The following KSR1 variants were observed in gnomAD, a reference collection of about 807,000 sequenced individuals.
KSR1 encodes kinase suppressor of ras.
In KSR1, 35 loss-of-function variants were observed where a neutral mutation model predicts 92.9. The observed-to-expected ratio is 0.38, with a 90% CI of 0.29 to 0.50. The LOEUF (loss-of-function observed/expected upper bound fraction) is 0.50, where lower values mean the gene tolerates loss of function less well. KSR1 is among the 20% of genes least tolerant of loss of function. The probability of loss-of-function intolerance (pLI) is 0.94; values close to 1 mark genes in which losing one functional copy is unlikely to be tolerated. For synonymous variants in KSR1, 467 were observed against 472.6 expected (o/e 0.99, Z 0.15); for missense variants, 972 against 1,158.5 (o/e 0.84, Z 2.34).
At chr17:27,598,121 C>T (rs1233263409) in intron 10 of KSR1, among the ~76,000 whole-genome samples, 1 of 152,164 alleles carries the variant, frequency 6.6e-6, no homozygotes, top group African/African-American at 2.4e-5. Context: ...GTGTCTGCCT[C>T]TCCAAGCAGC....
chr17:27,582,590 C>T (rs2072805843), intron 3 of KSR1, 56 bp from the exon 4 acceptor site: 1 of 1,500,410 alleles, frequency 6.7e-7, no homozygotes, highest in Admixed American at 1.8e-5. Flanking sequence ...CTAGCCATCT[C>T]CCCTGTGAAT....
At chr17:27,526,583 G>A (rs2070308019) in intron 1 of KSR1, 1 of 1,588,572 alleles carries the variant, frequency 6.3e-7, no homozygotes, top group African/African-American at 1.3e-5. Flanking sequence ...TGTATCAGTT[G>A]CAATTGTAAG....
Position 27,605,434 on chromosome 17 carries a change from G to A in KSR1, c.1615G>A (p.Ala539Thr), listed in dbSNP as rs1238330779. The A allele has an allele frequency of 1.9e-6, 3 of 1,608,780 alleles. No individual in the cohort carries two copies. The highest frequency in any genetic ancestry group is 2.2e-5 in the East Asian group (1 of 44,850). Residue 539 changes from alanine to threonine, a missense_variant and splice_region_variant, in exon 14 of 21, where the codon GCT (alanine) becomes ACT (threonine). This residue lies in a region of KSR1 where 611 missense variants were observed against 668.0 expected (regional missense o/e 0.91). Transcript: ENST00000644974. ...CCTGTTCTTCCTGCTCTCCTTTCAG[G>A]CTGAGGAGCCAGAGGCTGGCAAGTC... ...ADVLEAHEAE[A>T]EEPEAGKSEA...
chr17:27,476,144 G>A (rs929981260), intron 1 of KSR1, among the ~76,000 whole-genome samples: 6 of 152,188 alleles, frequency 3.9e-5, no homozygotes, highest in Non-Finnish European at 5.9e-5. Flanking sequence ...TGGACTGCAC[G>A]GCTCCTGCCC....
At chr17:27,457,292 C>T (rs2019222481) in intron 1 of KSR1, among the ~76,000 whole-genome samples, 1 of 152,214 alleles carries the variant, frequency 6.6e-6, no homozygotes, top group Non-Finnish European at 1.5e-5. Flanking sequence ...AGCGTGATCG[C>T]AGGCCTGCCG....
At chr17:27,573,322 G>A (rs576528342) in intron 2 of KSR1, among the ~76,000 whole-genome samples, 8 of 152,218 alleles carry the variant, frequency 5.3e-5, no homozygotes, top group African/African-American at 9.7e-5. Flanking sequence ...GGAGGAAAGC[G>A]GGGGTTTTCT....
At chr17:27,461,225 C>G (rs1470976650) in intron 1 of KSR1, among the ~76,000 whole-genome samples, 4 of 152,136 alleles carry the variant, frequency 2.6e-5, no homozygotes, top group African/African-American at 4.8e-5. Context: ...GGATTACAGG[C>G]ATGCCCCACT....
At chr17:27,512,053 A>G (rs1012718480) in intron 1 of KSR1, among the ~76,000 whole-genome samples, 4 of 152,168 alleles carry the variant, frequency 2.6e-5, no homozygotes, top group Non-Finnish European at 5.9e-5. Flanking sequence ...GCTGGAGTAG[A>G]CCAGATCCTG....
chr17:27,510,805 C>T (rs989909588), intron 1 of KSR1, among the ~76,000 whole-genome samples: 2 of 152,222 alleles, frequency 1.3e-5, no homozygotes, highest in African/African-American at 4.8e-5. Flanking sequence ...CATTTCCTGG[C>T]TCAATTCTCT....
chr17:27,550,894 G>C (rs2071374517), intron 2 of KSR1, among the ~76,000 whole-genome samples, 186 bp downstream of exon 2: 1 of 152,194 alleles, frequency 6.6e-6, no homozygotes, highest in South Asian at 2.1e-4. Flanking sequence ...TCCAACAAGT[G>C]CCCTGGATGC....
chr17:27,609,357 G>T, intron 16 of KSR1, 28 bp downstream of exon 16: 1 of 1,612,644 alleles, frequency 6.2e-7, no homozygotes, highest in South Asian at 1.1e-5. Flanking sequence ...GTCTGGGTGG[G>T]TTGTGGGTGC....
chr17:27,590,905 G>C lies in KSR1; in HGVS notation c.1130+11G>C, dbSNP rs1320411249. Reference sequence around the variant, plus strand: ...GTGCAAGCATTGCAGGTGATGGGAAGAGGAGTGGGGGTGGGGGGAGCAGAC... The same window carrying C: ...GTGCAAGCATTGCAGGTGATGGGAACAGGAGTGGGGGTGGGGGGAGCAGAC... On this transcript the variant is annotated intron_variant, in intron 7 of 20. Coordinates refer to ENST00000644974, the MANE Select transcript of KSR1 (RefSeq NM_001394583.1). The C allele has an allele frequency of 6.2e-7, 1 of 1,606,440 alleles. No individual in the cohort carries two copies. Among genetic ancestry groups the C allele is most frequent in the South Asian group, 1.1e-5 (1 of 89,450 alleles).
At chr17:27,501,317 T>G (rs1168086656) in intron 1 of KSR1, among the ~76,000 whole-genome samples, 2 of 123,148 alleles carry the variant, frequency 1.6e-5, no homozygotes, top group African/African-American at 6.0e-5. Flanking sequence ...TTTTTTTTTT[T>G]GAGCTGAAGT....
At chr17:27,551,602 A>C (rs1244273096) in intron 2 of KSR1, among the ~76,000 whole-genome samples, 3 of 152,054 alleles carry the variant, frequency 2.0e-5, no homozygotes, top group Non-Finnish European at 2.9e-5. Context: ...ATCTTTTAAA[A>C]ATTTCTATCT....
intron 2 of KSR1, among the ~76,000 whole-genome samples, chr17:27,568,771 G>GCT (rs2072187624): frequency 6.6e-6 from 1 of 152,174 alleles, no homozygotes; most frequent in South Asian, 2.1e-4. Flanking sequence ...TGCTGTCAGG[G>GCT]CTCTGCCTTC....
intron 6 of KSR1, 54 bp from the exon 7 acceptor site, chr17:27,590,757 T>A (rs2073136847): frequency 6.5e-7 from 1 of 1,531,312 alleles, no homozygotes; most frequent in South Asian, 1.2e-5. Flanking sequence ...CTTCTGTGGC[T>A]GGGCCTTGGC....
intron 1 of KSR1, among the ~76,000 whole-genome samples, chr17:27,513,742 A>G (rs2069686894): frequency 6.6e-6 from 1 of 152,174 alleles, no homozygotes; most frequent in Admixed American, 6.5e-5. Flanking sequence ...CTTGATGCTT[A>G]TGTTTAACCC....
chr17:27,534,254 C>G (rs2070672121), intron 1 of KSR1, among the ~76,000 whole-genome samples: 1 of 152,218 alleles, frequency 6.6e-6, no homozygotes. Context: ...CTACGTTTGC[C>G]CATTTTCAAG....
intron 1 of KSR1, among the ~76,000 whole-genome samples, chr17:27,473,397 A>G (rs962204738): frequency 6.6e-6 from 1 of 152,140 alleles, no homozygotes; most frequent in Non-Finnish European, 1.5e-5. Context: ...ACAGTTGGAG[A>G]CAGGATGAAG....
Sources: allele counts gnomAD v4.1 joint callset (sites outside exome capture counted in the v4.1 genomes callset), GRCh38; gene constraint gnomAD v4.1.1; regional missense constraint gnomAD v4.1.1; transcripts MANE v1.5; gene names NCBI Gene and HGNC (gene_info 2026-07-23, HGNC 2026-07-21).